Variants in YIPF6 observed in about 807,000 individuals in gnomAD.
YIPF6 encodes protein YIPF6.
In YIPF6, 3 loss-of-function variants were observed where a neutral mutation model predicts 16.8. The observed-to-expected ratio is 0.18, with a 90% CI of 0.08 to 0.46. The LOEUF is 0.46. Among genes scored for constraint, YIPF6 ranks in the 20% least tolerant of loss-of-function variants. YIPF6 has a pLI of 0.98. For missense variants in YIPF6, 145 were observed against 184.9 expected (o/e 0.78, Z 1.25); for synonymous variants, 67 against 61.9 (o/e 1.08, Z -0.38).
intron 3 of YIPF6, 106 bp from the exon 4 acceptor site, chrX:68,518,664 C>A: frequency 1.0e-6 from 1 of 980,037 alleles, no homozygotes; most frequent in Non-Finnish European, 1.4e-6. Flanking sequence ...GAAGGCTTGG[C>A]CAGCCAAAGA....
chrX:68,501,743 C>T (rs1202556469), intron 1 of YIPF6, among the ~76,000 whole-genome samples: 1 of 112,061 alleles, frequency 8.9e-6, no homozygotes, highest in East Asian at 2.8e-4. Flanking sequence ...TAGAACAACA[C>T]TTTGGCTGAA....
intron 1 of YIPF6, among the ~76,000 whole-genome samples, chrX:68,503,473 C>T (rs989954235): frequency 6.3e-5 from 7 of 111,870 alleles, no homozygotes; most frequent in Non-Finnish European, 1.1e-4. Flanking sequence ...GAGCAGGGTC[C>T]ATTAGCTGAG....
chrX:68,525,484 T>C (rs1452422372), intron 6 of YIPF6, among the ~76,000 whole-genome samples: 1 of 112,236 alleles, frequency 8.9e-6, no homozygotes, highest in Non-Finnish European at 1.9e-5. Context: ...AGCTCTTTAG[T>C]TTAATTAGAT....
At position 68,537,204 on chromosome X, in the gene YIPF6, T is replaced by A. The variant is rs2079195022; in HGVS notation, c.*5205T>A. 8.9e-6 allele frequency: 1 copy of A among 112,294 alleles called. No homozygotes were observed. The highest frequency in any genetic ancestry group is 9.5e-5 in the Admixed American group (1 of 10,524). The allele number at this position is 112,294 out of a possible 1,213,427, so 9.3% of individuals were successfully genotyped here. A position where few individuals can be genotyped will look rare whatever the true frequency, so the allele number is the denominator to read the frequency against. On this transcript the variant is annotated 3_prime_UTR_variant, in exon 7 of 7. Coordinates refer to ENST00000462683, the MANE Select transcript of YIPF6 (RefSeq NM_173834.4). ...ATACTCCATTTTAATCTTGATTTTTTTCTATAAATAATAAATCTGTGAAAA... is the reference window on the plus strand; with the variant it reads ...ATACTCCATTTTAATCTTGATTTTTATCTATAAATAATAAATCTGTGAAAA...
In YIPF6 at chrX:68,533,221, A is replaced by C. The variant is rs775670278; in HGVS notation, c.*1222A>C. 1.8e-5 allele frequency: 2 copies of C among 111,812 alleles called. No individual in the cohort carries two copies. Among genetic ancestry groups the C allele is most frequent in the Non-Finnish European group, 3.8e-5 (2 of 53,192 alleles). The allele number at this position is 111,812 out of a possible 1,213,427, so 9.2% of individuals were successfully genotyped here. A position where few individuals can be genotyped will look rare whatever the true frequency, so the allele number is the denominator to read the frequency against. On this transcript the variant is annotated 3_prime_UTR_variant, in exon 7 of 7. Coordinates refer to ENST00000462683, the MANE Select transcript of YIPF6 (RefSeq NM_173834.4). ...CCCTTTAGATAAGTACATGTTGCAC[A>C]TGTGCACCTACTTGTAATCTCAGAT...
intron 4 of YIPF6, among the ~76,000 whole-genome samples, chrX:68,520,237 T>C (rs755239606): frequency 4.5e-4 from 51 of 112,666 alleles, no homozygotes; most frequent in African/African-American, 1.6e-3. Context: ...GTGACTTCTC[T>C]ATACTGTTTA....
chrX:68,518,229 G>A (rs1421248529), intron 3 of YIPF6, among the ~76,000 whole-genome samples: 7 of 100,987 alleles, frequency 6.9e-5, no homozygotes, highest in Non-Finnish European at 1.2e-4. Context: ...CTGAGATTGC[G>A]CCATTGCACT....
At chrX:68,514,102 A>G (rs1295537314) in intron 3 of YIPF6, 1 of 106,346 alleles carries the variant, frequency 9.4e-6, no homozygotes, top group African/African-American at 3.4e-5. Flanking sequence ...CTGGTAGCAC[A>G]AGCCTGTAGT....
rs754575388 is a variant in YIPF6 at position 68,528,813 on chromosome X, A to G, written c.593-3068A>G. ...TTAAGAATGTTGAATATTGGCCCCC[A>G]CTCTCTTCTTGTAGGGTTTCTGCCG... On this transcript the variant is annotated intron_variant, in intron 6 of 6. Transcript: ENST00000462683. Among the ~76,000 whole-genome samples, 273 of 110,753 alleles carry G rather than the reference A, an allele frequency of 2.5e-3. 1 individual carries two copies. Among genetic ancestry groups the G allele is most frequent in the Non-Finnish European group, 4.3e-3 (226 of 52,904 alleles).
rs1602477046 is a variant in YIPF6, at chrX:68,537,108, T to C, written c.*5109T>C. On this transcript the variant is annotated 3_prime_UTR_variant, in exon 7 of 7. Transcript: ENST00000462683. The stretch of plus-strand genomic sequence containing the variant: ...GTGGCCACACGCTGCACTGCGCTGC[T>C]CTTGTTTACTCTGTTCTTTCAGAGC... 1 of 112,333 alleles carries C rather than the reference T, an allele frequency of 8.9e-6. No homozygotes were observed. The highest frequency in any genetic ancestry group is 2.8e-4 in the East Asian group (1 of 3,575). The allele number at this position is 112,333 out of a possible 1,213,427, so 9.3% of individuals were successfully genotyped here. A position where few individuals can be genotyped will look rare whatever the true frequency, so the allele number is the denominator to read the frequency against.
rs766159421 is a variant in YIPF6 at position 68,518,893 on chromosome X, G to C, written c.308+81G>C. 17 of 952,170 alleles carry C rather than the reference G, an allele frequency of 1.8e-5. No individual in the cohort carries two copies. The South Asian group carries it at 4.2e-4, about 23-fold the overall frequency. The allele number at this position is 952,170 out of a possible 1,213,427, so 78.5% of individuals were successfully genotyped here. A position where few individuals can be genotyped will look rare whatever the true frequency, so the allele number is the denominator to read the frequency against. ...GATTTCCAAAATTGTGGGGGATTTTGATTGAATATTTCATTTAGGACTTAT... is the reference window on the plus strand; with the variant it reads ...GATTTCCAAAATTGTGGGGGATTTTCATTGAATATTTCATTTAGGACTTAT... On this transcript the variant is annotated intron_variant, in intron 4 of 6. Coordinates refer to ENST00000462683, the MANE Select transcript of YIPF6 (RefSeq NM_173834.4).
At chrX:68,512,046 A>G in intron 2 of YIPF6, 69 bp downstream of exon 2, 1 of 1,021,831 alleles carries the variant, frequency 9.8e-7, no homozygotes, top group Non-Finnish European at 1.3e-6. Flanking sequence ...GTACTTTGCA[A>G]TATTTTCATT....
intron 6 of YIPF6, among the ~76,000 whole-genome samples, chrX:68,530,557 C>T (rs936731282): frequency 3.6e-5 from 4 of 111,033 alleles, no homozygotes; most frequent in Non-Finnish European, 7.6e-5. Flanking sequence ...CCCAAATGGC[C>T]GCCCAGTTTT....
intron 3 of YIPF6, chrX:68,514,329 C>G (rs2079093323): frequency 9.2e-6 from 1 of 108,819 alleles, no homozygotes; most frequent in Admixed American, 1.0e-4. Flanking sequence ...ACAATATTTA[C>G]ATTTATTACA....
intron 3 of YIPF6, 146 bp from the exon 4 acceptor site, chrX:68,518,624 G>A (rs1212512752): frequency 1.1e-5 from 6 of 563,002 alleles, no homozygotes; most frequent in Non-Finnish European, 1.7e-5. Flanking sequence ...TAGGGGACAG[G>A]GAGGGCAGGT....
At chrX:68,527,588 G>A (rs889527039) in intron 6 of YIPF6, among the ~76,000 whole-genome samples, 2 of 111,631 alleles carry the variant, frequency 1.8e-5, no homozygotes, top group Middle Eastern at 4.6e-3. Flanking sequence ...GATCTTTCCC[G>A]CTTTGTCCTG....
At chrX:68,502,500 G>A (rs1007268342) in intron 1 of YIPF6, among the ~76,000 whole-genome samples, 18 of 111,312 alleles carry the variant, frequency 1.6e-4, no homozygotes, top group African/African-American at 5.6e-4. Context: ...ACCACATTTT[G>A]AAGAGCATGG....
intron 1 of YIPF6, among the ~76,000 whole-genome samples, chrX:68,511,518 CAG>C (rs1179456848): frequency 2.7e-5 from 3 of 112,181 alleles, no homozygotes; most frequent in Non-Finnish European, 5.6e-5. Context: ...CATTCTAAGA[CAG>C]TGATTGCTAA....
chrX:68,528,134 T>A (rs2079156604), intron 6 of YIPF6, among the ~76,000 whole-genome samples: 1 of 111,603 alleles, frequency 9.0e-6, no homozygotes, highest in Non-Finnish European at 1.9e-5. Context: ...TTTGTAGGTC[T>A]TTAAGAATTT....
Sources: allele counts gnomAD v4.1 joint callset (sites outside exome capture counted in the v4.1 genomes callset), GRCh38; gene constraint gnomAD v4.1.1; transcripts MANE v1.5; gene names NCBI Gene and HGNC (gene_info 2026-07-23, HGNC 2026-07-21).